PRKN: variants seen among roughly 807,000 people sequenced by gnomAD.
The protein encoded by PRKN is E3 ubiquitin-protein ligase parkin.
PRKN carries 56 observed loss-of-function variants against 59.5 expected under a neutral mutation model. The observed-to-expected ratio is 0.94, with a 90% confidence interval of 0.76 to 1.18. The LOEUF (loss-of-function observed/expected upper bound fraction) is 1.18. Among genes scored for constraint, PRKN ranks in the 50% most tolerant of loss-of-function variants. The pLI, the probability that PRKN is intolerant of heterozygous loss-of-function variation, is 0.00. For synonymous variants in PRKN, 250 were observed against 222.1 expected, an observed-to-expected ratio of 1.13 and a Z score of -1.12; for missense variants, 657 against 596.4, an observed-to-expected ratio of 1.10 and a Z score of -1.06.
intron 5 of PRKN, among the ~76,000 whole-genome samples, chr6:161,984,523 A>G (rs947033656): frequency 1.3e-5 from 2 of 152,132 alleles, no homozygotes. Flanking sequence ...AAGTGCTGGG[A>G]CTACAGGTGT....
At chr6:161,941,978 A>C (rs1779584327) in intron 6 of PRKN, among the ~76,000 whole-genome samples, 1 of 152,126 alleles carries the variant, frequency 6.6e-6, no homozygotes. Flanking sequence ...TTCAGTTAAA[A>C]CTTTTTGCTT....
intron 2 of PRKN, among the ~76,000 whole-genome samples, chr6:162,442,432 A>G (rs1360205220): frequency 2.6e-5 from 4 of 152,186 alleles, no homozygotes; most frequent in Admixed American, 2.6e-4. Flanking sequence ...TCTTTCTTGC[A>G]TTCACAAAGA....
intron 6 of PRKN, among the ~76,000 whole-genome samples, chr6:161,827,746 GATCCACCCACCTT>G (rs1386964657): frequency 1.3e-5 from 2 of 152,128 alleles, no homozygotes; most frequent in African/African-American, 4.8e-5. Flanking sequence ...GACCTTAGGT[GATCCACCCACCTT>G]GGCCTCCCAA....
At chr6:161,848,561 G>T (rs1267472741) in intron 6 of PRKN, among the ~76,000 whole-genome samples, 1 of 152,080 alleles carries the variant, frequency 6.6e-6, no homozygotes, top group African/African-American at 2.4e-5. Flanking sequence ...ATGTCTTTTA[G>T]AAATACGTCT....
chr6:161,740,656 C>A (rs568459084), intron 7 of PRKN, among the ~76,000 whole-genome samples: 4 of 152,212 alleles, frequency 2.6e-5, no homozygotes, highest in Non-Finnish European at 5.9e-5. Context: ...CTGTAATGAA[C>A]GGCTGACACT....
intron 2 of PRKN, among the ~76,000 whole-genome samples, chr6:162,281,982 G>C (rs765505760): frequency 8.5e-5 from 13 of 152,108 alleles, no homozygotes; most frequent in African/African-American, 1.2e-4. Context: ...CCTCACACGT[G>C]CAGTTCACAA....
intron 6 of PRKN, among the ~76,000 whole-genome samples, chr6:161,927,787 A>T (rs1176606156): frequency 6.7e-6 from 1 of 149,028 alleles, no homozygotes; most frequent in Non-Finnish European, 1.5e-5. Context: ...AAAAAAAAAA[A>T]CTTTACAAAA....
intron 9 of PRKN, among the ~76,000 whole-genome samples, chr6:161,420,518 C>A (rs895306633): frequency 6.6e-6 from 1 of 151,112 alleles, no homozygotes; most frequent in Non-Finnish European, 1.5e-5. Context: ...TTTTTTCTTT[C>A]TTTATTTATT....
chr6:162,316,813 TAATGA>T (rs1782772228), intron 2 of PRKN, among the ~76,000 whole-genome samples: 1 of 152,150 alleles, frequency 6.6e-6, no homozygotes, highest in Non-Finnish European at 1.5e-5. Flanking sequence ...TCAGTATAGT[TAATGA>T]AATAAGACAT....
chr6:161,632,831 G>T (rs192687389), intron 7 of PRKN, among the ~76,000 whole-genome samples: 4 of 151,932 alleles, frequency 2.6e-5, no homozygotes, highest in African/African-American at 4.8e-5. Context: ...ACCAAATCTC[G>T]TGAGAACTCA....
rs508144 is a variant in PRKN at position 161,543,931 on chromosome 6, G to A, written c.1083+4923C>T. On this transcript the variant is annotated intron_variant, in intron 9 of 11. Coordinates refer to ENST00000366898, the MANE Select transcript of PRKN (RefSeq NM_004562.3). ...CGGAGTCATTAAAGTTTGTGAGATA[G>A]TTCTGATGAATAGCAATAAGGCCAG... 3.1e-3 allele frequency among the ~76,000 whole-genome samples: 472 copies of A among 152,238 alleles called. 9 individuals carry two copies. In the East Asian group the frequency reaches 0.055, roughly 18 times the overall value.
At chr6:161,476,018 C>T (rs1049271774) in intron 9 of PRKN, among the ~76,000 whole-genome samples, 2 of 151,920 alleles carry the variant, frequency 1.3e-5, no homozygotes, top group Non-Finnish European at 2.9e-5. Flanking sequence ...AAGCCTGTCT[C>T]TACTAAAAAT....
intron 1 of PRKN, among the ~76,000 whole-genome samples, chr6:162,520,692 T>C (rs572628071): frequency 6.6e-6 from 1 of 152,298 alleles, no homozygotes; most frequent in African/African-American, 2.4e-5. Flanking sequence ...GTGTATTTTC[T>C]TCCCTGGGCA....
intron 7 of PRKN, among the ~76,000 whole-genome samples, chr6:161,680,779 T>TGTTTTTG: frequency 1.2e-5 from 1 of 84,916 alleles, no homozygotes; most frequent in South Asian, 4.3e-4. Flanking sequence ...ATATATATTT[T>TGTTTTTG]TTTTTTTTTT....
chr6:162,368,184 G>A (rs1287522322), intron 2 of PRKN, among the ~76,000 whole-genome samples: 1 of 152,166 alleles, frequency 6.6e-6, no homozygotes. Context: ...GAAGGGTTGG[G>A]AGAACAGGGA....
chr6:161,728,416 G>A (rs1389282585), intron 7 of PRKN, among the ~76,000 whole-genome samples: 20 of 151,996 alleles, frequency 1.3e-4, no homozygotes, highest in Admixed American at 1.1e-3. Flanking sequence ...CCAAAACCCC[G>A]TGTGAGGGAT....
rs552558551 is a variant in PRKN, at chr6:161,538,983, G to A, written c.1083+9871C>T. On this transcript the variant is annotated intron_variant, in intron 9 of 11. Coordinates refer to ENST00000366898, the MANE Select transcript of PRKN (RefSeq NM_004562.3). This position sits in a 1 kb window ranked among gnomAD's most constrained non-coding sequence, Gnocchi z 4.2. ...GGTGTTCCTGTTTCGTGTGAAGAGT[G>A]AGGGCGTGCTGCTTCTTCATCATGC... is the stretch of plus-strand genomic sequence containing the variant. Among the ~76,000 whole-genome samples the A allele has an allele frequency of 2.1e-4, 32 of 152,294 alleles. No individual in the cohort carries two copies. The highest frequency in any genetic ancestry group is 5.2e-4 in the Admixed American group (8 of 15,298).
chr6:162,294,745 AAG>A (rs1470691426), intron 2 of PRKN, among the ~76,000 whole-genome samples: 1 of 152,202 alleles, frequency 6.6e-6, no homozygotes, highest in Non-Finnish European at 1.5e-5. Flanking sequence ...AGTAAAAAAA[AAG>A]AGAAATACAA....
intron 1 of PRKN, among the ~76,000 whole-genome samples, chr6:162,500,069 T>C (rs1391752028): frequency 6.6e-6 from 1 of 152,124 alleles, no homozygotes; most frequent in East Asian, 1.9e-4. Flanking sequence ...GCACTCATAT[T>C]AGCAAAGGTG....
Sources: allele counts gnomAD v4.1 joint callset (sites outside exome capture counted in the v4.1 genomes callset), GRCh38; gene constraint gnomAD v4.1.1; non-coding constraint Gnocchi (gnomAD v3.1); transcripts MANE v1.5; gene names NCBI Gene and HGNC (gene_info 2026-07-23, HGNC 2026-07-21).